NIPAL2: variants seen among roughly 807,000 people sequenced by gnomAD.
The protein encoded by NIPAL2 is NIPA like domain containing 2.
In NIPAL2, 43 loss-of-function variants were observed where a neutral mutation model predicts 48.9. The ratio of observed to expected loss-of-function variants is 0.88; its 90% confidence interval spans 0.69 to 1.13. The LOEUF is 1.13. NIPAL2 is among the 50% of genes most tolerant of loss of function. NIPAL2 has a pLI of 0.00. For missense variants in NIPAL2, 446 were observed against 461.4 expected, an observed-to-expected ratio of 0.97 and a Z score of 0.31; for synonymous variants, 167 against 174.6, an observed-to-expected ratio of 0.96 and a Z score of 0.34.
chr8:98,224,565 C>T (rs192071478), intron 4 of NIPAL2, among the ~76,000 whole-genome samples: 63 of 152,184 alleles, frequency 4.1e-4, no homozygotes, highest in African/African-American at 1.5e-3. Context: ...TTCACATCCA[C>T]GTCTGCATTT....
intron 1 of NIPAL2, among the ~76,000 whole-genome samples, chr8:98,274,692 A>G (rs763089529): frequency 4.6e-5 from 7 of 152,060 alleles, no homozygotes; most frequent in Non-Finnish European, 7.4e-5. Context: ...TCTCTTATAT[A>G]TAGAAAATAA....
chr8:98,245,197 G>T (rs1813246008), intron 3 of NIPAL2, among the ~76,000 whole-genome samples: 3 of 152,170 alleles, frequency 2.0e-5, no homozygotes, highest in Admixed American at 2.0e-4. Flanking sequence ...TTTCATGTCA[G>T]TCACAATCAA....
chr8:98,274,314 C>A (rs999774438), intron 1 of NIPAL2, among the ~76,000 whole-genome samples: 1 of 151,948 alleles, frequency 6.6e-6, no homozygotes, highest in Admixed American at 6.6e-5. Context: ...TCCCATCTAT[C>A]TCCATTAATA....
At chr8:98,199,066 C>T (rs1424708863) in intron 8 of NIPAL2, among the ~76,000 whole-genome samples, 1 of 151,472 alleles carries the variant, frequency 6.6e-6, no homozygotes, top group Non-Finnish European at 1.5e-5. Flanking sequence ...AAGCAATTCT[C>T]CTGCCTCAGC....
At chr8:98,271,303 C>T (rs1225392174) in intron 1 of NIPAL2, among the ~76,000 whole-genome samples, 4 of 152,096 alleles carry the variant, frequency 2.6e-5, no homozygotes, top group Non-Finnish European at 4.4e-5. Flanking sequence ...GACATTTCAA[C>T]GATGTTGATT....
At chr8:98,193,763 A>T (rs1810410567) in intron 10 of NIPAL2, among the ~76,000 whole-genome samples, 1 of 151,068 alleles carries the variant, frequency 6.6e-6, no homozygotes, top group South Asian at 2.1e-4. Context: ...AGATTGTGCC[A>T]CTGCACTCCA....
chr8:98,215,785 G>A (rs1163177295), intron 5 of NIPAL2, among the ~76,000 whole-genome samples: 1 of 152,158 alleles, frequency 6.6e-6, no homozygotes, highest in Non-Finnish European at 1.5e-5. Flanking sequence ...CCAGATCAGA[G>A]GAAAAGTTCC....
chr8:98,294,225 A>G lies in NIPAL2; in HGVS notation c.-88T>C. 1 of 1,191,826 alleles carries G rather than the reference A, an allele frequency of 8.4e-7. No homozygotes were observed. Among genetic ancestry groups the G allele is most frequent in the Non-Finnish European group, 1.0e-6 (1 of 962,836 alleles). The allele number at this position is 1,191,826 out of a possible 1,614,324, so 73.8% of individuals were successfully genotyped here. ...ACCGCGAGGAGGCCGCGCCGCAGCC[A>G]CTTCCTGCTCGGTGCCCGGGCGAGG... On this transcript the variant is annotated 5_prime_UTR_variant, in exon 1 of 11. Coordinates refer to ENST00000430223, the MANE Select transcript of NIPAL2 (RefSeq NM_001321635.2).
chr8:98,287,658 GCTAA>G (rs1182353021), intron 1 of NIPAL2, among the ~76,000 whole-genome samples: 1 of 152,134 alleles, frequency 6.6e-6, no homozygotes, highest in Admixed American at 6.5e-5. Flanking sequence ...CTGGCATTTT[GCTAA>G]CTATTTGACA....
chr8:98,202,081 C>T (rs1055043571), intron 8 of NIPAL2, among the ~76,000 whole-genome samples: 2 of 152,050 alleles, frequency 1.3e-5, no homozygotes, highest in South Asian at 2.1e-4. Context: ...TGGTTTGGAC[C>T]GAGTTTCAAA....
intron 8 of NIPAL2, among the ~76,000 whole-genome samples, chr8:98,197,428 G>T (rs1405804188): frequency 1.3e-5 from 2 of 152,184 alleles, no homozygotes; most frequent in African/African-American, 4.8e-5. Flanking sequence ...TGATTGATCA[G>T]GGTGGTGGTT....
At chr8:98,274,702 A>G (rs1483903953) in intron 1 of NIPAL2, among the ~76,000 whole-genome samples, 1 of 152,080 alleles carries the variant, frequency 6.6e-6, no homozygotes, top group African/African-American at 2.4e-5. Context: ...ATAGAAAATA[A>G]CTAGATTTTT....
At chr8:98,227,595 C>T (rs946783912) in intron 4 of NIPAL2, among the ~76,000 whole-genome samples, 3 of 152,196 alleles carry the variant, frequency 2.0e-5, no homozygotes, top group Non-Finnish European at 2.9e-5. Flanking sequence ...CTGCCTGATG[C>T]CCTATCCTAT....
intron 4 of NIPAL2, among the ~76,000 whole-genome samples, chr8:98,226,910 G>A (rs993370233): frequency 1.3e-5 from 2 of 152,142 alleles, no homozygotes; most frequent in South Asian, 2.1e-4. Flanking sequence ...AGCCAGGCCT[G>A]GAGTCAGAAA....
intron 4 of NIPAL2, among the ~76,000 whole-genome samples, chr8:98,223,302 C>T (rs1490525355): frequency 1.3e-5 from 2 of 151,958 alleles, no homozygotes; most frequent in South Asian, 2.1e-4. Flanking sequence ...TTACTGCCAT[C>T]GGTTTAGCAT....
At chr8:98,276,393 A>G (rs1399514906) in intron 1 of NIPAL2, among the ~76,000 whole-genome samples, 1 of 152,064 alleles carries the variant, frequency 6.6e-6, no homozygotes, top group African/African-American at 2.4e-5. Context: ...ATGCATTTCA[A>G]CTTCTTCTAT....
At chr8:98,223,874 A>G (rs772621793) in intron 4 of NIPAL2, among the ~76,000 whole-genome samples, 3 of 152,228 alleles carry the variant, frequency 2.0e-5, no homozygotes, top group Non-Finnish European at 4.4e-5. Context: ...AAAACCATAT[A>G]TAAGAACTTG....
chr8:98,238,621 T>C (rs72664830), intron 3 of NIPAL2, among the ~76,000 whole-genome samples: 10,476 of 151,854 alleles, frequency 0.069, 471 homozygotes, highest in East Asian at 0.1. Context: ...TTTTTTTTTT[T>C]CCTCAACTTA....
In NIPAL2 at chr8:98,222,604, T is replaced by C; in HGVS notation, c.437-4A>G. 1.2e-6 allele frequency: 2 copies of C among 1,609,792 alleles called. No individual in the cohort carries two copies. The highest frequency in any genetic ancestry group is 1.1e-5 in the South Asian group (1 of 89,718). On this transcript the variant is annotated splice_polypyrimidine_tract_variant and splice_region_variant and intron_variant, in intron 4 of 10. Coordinates refer to ENST00000430223, the MANE Select transcript of NIPAL2 (RefSeq NM_001321635.2). ...CCTGCAAATGCCAGTGTCGTACCTTTAAATAAAATTGAAAAGAAAAACCAA... is the reference window on the plus strand; with the variant it reads ...CCTGCAAATGCCAGTGTCGTACCTTCAAATAAAATTGAAAAGAAAAACCAA...
Sources: allele counts gnomAD v4.1 joint callset (sites outside exome capture counted in the v4.1 genomes callset), GRCh38; gene constraint gnomAD v4.1.1; transcripts MANE v1.5; gene names NCBI Gene and HGNC (gene_info 2026-07-23, HGNC 2026-07-21).